CFAP99: variants seen among roughly 807,000 people sequenced by gnomAD.
CFAP99 encodes cilia- and flagella-associated protein 99.
In CFAP99, 84 loss-of-function variants were observed where a neutral mutation model predicts 82.7. The observed-to-expected ratio is 1.02, with a 90% CI of 0.85 to 1.22. The LOEUF is 1.22. Among genes scored for constraint, CFAP99 ranks in the 50% most tolerant of loss-of-function variants. The probability of loss-of-function intolerance (pLI) is 0.00; values close to 1 mark genes in which losing one functional copy is unlikely to be tolerated. For synonymous variants in CFAP99, 456 were observed against 429.5 expected (o/e 1.06, Z -0.76); for missense variants, 1,059 against 983.5 (o/e 1.08, Z -1.03).
intron 6 of CFAP99, among the ~76,000 whole-genome samples, chr4:2,445,776 A>G (rs1046875075): frequency 6.6e-6 from 1 of 152,202 alleles, no homozygotes; most frequent in African/African-American, 2.4e-5. Context: ...AGAAAAATGC[A>G]GTTCAAACTG....
At chr4:2,421,776 A>T (rs1578459925) in intron 1 of CFAP99, among the ~76,000 whole-genome samples, 2 of 152,088 alleles carry the variant, frequency 1.3e-5, no homozygotes, top group Non-Finnish European at 2.9e-5. Flanking sequence ...CATAGATGGT[A>T]CTTCACTATT....
chr4:2,438,216 G>A (rs1417959727), intron 4 of CFAP99, 52 bp downstream of exon 4: 11 of 1,022,778 alleles, frequency 1.1e-5, no homozygotes, highest in African/African-American at 3.2e-5. Context: ...GGTGAGGTCC[G>A]TCTGATCCTC....
rs1734254518 is a variant in CFAP99, at chr4:2,449,704, A to G, written c.677A>G (p.Gln226Arg). 1 of 1,536,054 alleles carries G rather than the reference A, an allele frequency of 6.5e-7. No individual in the cohort carries two copies. The highest frequency in any genetic ancestry group is 2.0e-5 in the Admixed American group (1 of 50,974). ...AGCACCTACCAGCCACCCAAGGAGC[A>G]GCAGCAGCTGGAGACAGTCAAGAGG... Residue 226 changes from glutamine (Q) to arginine (R), a missense_variant, in exon 7 of 15, where the codon CAG (glutamine) becomes CGG (arginine). Transcript: ENST00000635017.
At chr4:2,459,351 C>T (rs1375503669) in intron 13 of CFAP99, 93 bp downstream of exon 13, 5 of 1,402,424 alleles carry the variant, frequency 3.6e-6, no homozygotes, top group Non-Finnish European at 4.7e-6. Context: ...ACCAGAGCCA[C>T]AGGTGGGTCT....
At chr4:2,452,333 A>C in exon 11 of CFAP99, 1 of 1,534,400 alleles carries the variant, frequency 6.5e-7, no homozygotes, top group Non-Finnish European at 8.7e-7. Flanking sequence ...AGGGTGGAGC[A>C]GCAGAAGGAG....
At chr4:2,456,749 T>C (rs1196639161) in intron 11 of CFAP99, among the ~76,000 whole-genome samples, 2 of 150,868 alleles carry the variant, frequency 1.3e-5, no homozygotes, top group African/African-American at 4.9e-5. Context: ...GAACTCCCGA[T>C]CTCAGGTGAT....
chr4:2,449,828 G>A (rs1454055921), intron 7 of CFAP99, 78 bp downstream of exon 7: 1 of 1,529,536 alleles, frequency 6.5e-7, no homozygotes. Context: ...TGGGGAGAGG[G>A]AAGAGGAGGC....
In CFAP99 at chr4:2,451,059, C is replaced by T. The variant is rs749475700; in HGVS notation, c.867+41C>T. 1.7e-5 allele frequency: 25 copies of T among 1,511,158 alleles called. No individual in the cohort carries two copies. In the African/African-American group the frequency reaches 3.1e-4, roughly 19 times the overall value. The allele number at this position is 1,511,158 out of a possible 1,614,324, so 93.6% of individuals were successfully genotyped here. ...GGATGGTCAGGCTGCTCTCCCTGGG[C>T]ACCCACCCCTCCAGACCTTTTCTGC... On this transcript the variant is annotated intron_variant, in intron 9 of 14. Coordinates refer to ENST00000635017, the Ensembl canonical transcript of CFAP99.
At chr4:2,461,329 C>T (rs950464737) in intron 14 of CFAP99, among the ~76,000 whole-genome samples, 1 of 152,144 alleles carries the variant, frequency 6.6e-6, no homozygotes, top group Admixed American at 6.5e-5. Context: ...ATACAGGGCT[C>T]CGGAGACGGT....
At chr4:2,447,654 T>A (rs973195766) in intron 6 of CFAP99, among the ~76,000 whole-genome samples, 1 of 143,158 alleles carries the variant, frequency 7.0e-6, no homozygotes, top group Non-Finnish European at 1.6e-5. Flanking sequence ...GGTGGATGGA[T>A]GGATGGATGG....
intron 7 of CFAP99, 72 bp downstream of exon 7, chr4:2,449,822 G>T (rs1578478238): frequency 6.5e-7 from 1 of 1,529,872 alleles, no homozygotes; most frequent in East Asian, 2.4e-5. Context: ...GTGGGGTGGG[G>T]AGAGGGAAGA....
chr4:2,460,157 A>G, exon 14 of CFAP99: 1 of 1,536,134 alleles, frequency 6.5e-7, no homozygotes. Flanking sequence ...CATTCAGGGC[A>G]AGCACACCAA....
chr4:2,419,785 T>C (rs1733513396), intron 1 of CFAP99, among the ~76,000 whole-genome samples: 1 of 152,010 alleles, frequency 6.6e-6, no homozygotes, highest in African/African-American at 2.4e-5. Flanking sequence ...ATGTTTATTT[T>C]TGAGTAACTG....
chr4:2,450,070 CT>C (rs1446855378), intron 8 of CFAP99, 65 bp downstream of exon 8: 2 of 1,468,074 alleles, frequency 1.4e-6, no homozygotes, highest in Non-Finnish European at 1.8e-6. Context: ...CAGAAAGTTC[CT>C]CCCAACGCCA....
intron 1 of CFAP99, among the ~76,000 whole-genome samples, chr4:2,420,560 C>G (rs1733560469): frequency 1.3e-5 from 2 of 152,180 alleles, no homozygotes; most frequent in Admixed American, 1.3e-4. Flanking sequence ...TGTATCTGCT[C>G]AGAGGCTCCC....
At chr4:2,436,171 A>C (rs2108718526) in intron 2 of CFAP99, among the ~76,000 whole-genome samples, 1 of 152,124 alleles carries the variant, frequency 6.6e-6, no homozygotes, top group Non-Finnish European at 1.5e-5. Context: ...AGACTAAAAC[A>C]ATGAGATTCC....
At chr4:2,449,877 CCTGGAGGACACTGGG>C in intron 7 of CFAP99, 42 bp from the exon 8 acceptor site, 1 of 1,529,658 alleles carries the variant, frequency 6.5e-7, no homozygotes, top group Non-Finnish European at 8.8e-7. Context: ...CCTCCCATGG[CCTGGAGGACACTGGG>C]CAGAGGCTGG....
chr4:2,430,073 GGCAGACTGCGGACA>G lies in CFAP99; in HGVS notation c.111+3499_111+3512del, dbSNP rs1163014513. On this transcript the variant is annotated intron_variant, in intron 2 of 14. Transcript: ENST00000635017. ...AAATTACGCAATACATAAACCAAAC[GGCAGACTGCGGACA>G]GCAGACTGCGGTGAAATGCCAGAAA... 1.3e-5 allele frequency among the ~76,000 whole-genome samples: 2 copies of G among 151,518 alleles called. 1 individual carries two copies. Among genetic ancestry groups the G allele is most frequent in the Non-Finnish European group, 2.9e-5 (2 of 67,966 alleles).
chr4:2,437,927 T>C, intron 3 of CFAP99, 143 bp from the exon 4 acceptor site: 1 of 574,700 alleles, frequency 1.7e-6, no homozygotes, highest in South Asian at 2.1e-5. Flanking sequence ...TGTTCGCTTA[T>C]CATTTTCAGG....
Sources: gnomAD v4.1 joint callset for allele counts (sites outside exome capture counted in the v4.1 genomes callset) on GRCh38, gnomAD v4.1.1 for gene constraint, MANE v1.5 for transcripts, NCBI Gene and HGNC (gene_info 2026-07-23, HGNC 2026-07-21) for gene names.